CDH10: variants seen among roughly 807,000 people sequenced by gnomAD.
CDH10 encodes cadherin 10.
A neutral mutation model predicts 73.1 loss-of-function variants in CDH10; 30 were observed. That is an observed-to-expected ratio of 0.41 (90% CI 0.31 to 0.56). The LOEUF is 0.56. Ranked by LOEUF, CDH10 falls within the 20% of genes least tolerant of loss-of-function variation. The probability of loss-of-function intolerance (pLI) is 0.27; values close to 1 mark genes in which losing one functional copy is unlikely to be tolerated. For missense variants in CDH10, 815 were observed against 973.7 expected, an observed-to-expected ratio of 0.84 and a Z score of 2.17; for synonymous variants, 345 against 348.2, an observed-to-expected ratio of 0.99 and a Z score of 0.10.
At chr5:24,524,233 A>G (rs1561140269) in intron 5 of CDH10, among the ~76,000 whole-genome samples, 1 of 152,152 alleles carries the variant, frequency 6.6e-6, no homozygotes, top group South Asian at 2.1e-4. Context: ...TATATTTTAA[A>G]TGTATGAAAC....
intron 2 of CDH10, among the ~76,000 whole-genome samples, chr5:24,575,618 A>T (rs1419146813): frequency 6.6e-6 from 1 of 152,090 alleles, no homozygotes; most frequent in African/African-American, 2.4e-5. Context: ...GTTCTCAAAT[A>T]AACATTTTTA....
chr5:24,528,660 G>T (rs984521992), intron 5 of CDH10, among the ~76,000 whole-genome samples: 5 of 151,982 alleles, frequency 3.3e-5, no homozygotes, highest in African/African-American at 1.2e-4. Context: ...ATAAAAGTAT[G>T]ATTTACCTGT....
intron 2 of CDH10, among the ~76,000 whole-genome samples, chr5:24,554,948 T>A (rs1021010380): frequency 2.0e-4 from 30 of 152,186 alleles, no homozygotes; most frequent in Middle Eastern, 6.8e-3. Context: ...TGCTCTCTCT[T>A]TACATTTTAT....
chr5:24,606,988 A>G (rs1170977933), intron 1 of CDH10, among the ~76,000 whole-genome samples: 2 of 152,210 alleles, frequency 1.3e-5, no homozygotes, highest in African/African-American at 4.8e-5. Flanking sequence ...AAAACAACAG[A>G]CTAAGCCTAA....
chr5:24,595,660 GGC>G (rs1410104616), intron 1 of CDH10, among the ~76,000 whole-genome samples: 4 of 152,036 alleles, frequency 2.6e-5, no homozygotes, highest in Admixed American at 1.3e-4. Context: ...ATTCCCAAGA[GGC>G]AGGGGAGAGT....
chr5:24,550,127 T>C (rs539002734), intron 2 of CDH10, among the ~76,000 whole-genome samples: 3 of 152,172 alleles, frequency 2.0e-5, no homozygotes, highest in African/African-American at 7.2e-5. Context: ...AAAACAATAA[T>C]AGTCATGTCT....
chr5:24,643,749 G>A (rs956323564), intron 1 of CDH10, among the ~76,000 whole-genome samples: 7 of 152,126 alleles, frequency 4.6e-5, no homozygotes, highest in Non-Finnish European at 8.8e-5. Context: ...TAAGGAGACA[G>A]TAGGTTTTTA....
intron 2 of CDH10, among the ~76,000 whole-genome samples, chr5:24,538,382 T>C (rs113733407): frequency 0.01 from 1,566 of 152,192 alleles, 35 homozygotes; most frequent in African/African-American, 0.036. Context: ...CAAGGACAAA[T>C]TCTGTGCAGG....
chr5:24,543,133 C>T (rs539606254), intron 2 of CDH10, among the ~76,000 whole-genome samples: 4 of 151,794 alleles, frequency 2.6e-5, no homozygotes, highest in Non-Finnish European at 5.9e-5. Context: ...TCACCATTGG[C>T]TAGAAGAAAA....
chr5:24,588,038 T>A (rs1001693457), intron 2 of CDH10, among the ~76,000 whole-genome samples: 12 of 152,182 alleles, frequency 7.9e-5, no homozygotes, highest in Non-Finnish European at 1.6e-4. Context: ...TTACTTGAAG[T>A]CCCTAGAGAT....
rs192764295 is a variant in CDH10, at chr5:24,587,491, C to A, written c.231+5769G>T. Among the ~76,000 whole-genome samples the A allele has an allele frequency of 3.8e-3, 583 of 152,174 alleles. 1 individual carries two copies. The highest frequency in any genetic ancestry group is 0.017 in the Middle Eastern group (5 of 292). On this transcript the variant is annotated intron_variant, in intron 2 of 11. Transcript: ENST00000264463. Reference sequence around the variant, plus strand: ...TATTAATAATAACCATGCTTCATTGCCATTACATATGTACTTGTGTGAATT... The same window carrying A: ...TATTAATAATAACCATGCTTCATTGACATTACATATGTACTTGTGTGAATT...
intron 2 of CDH10, among the ~76,000 whole-genome samples, chr5:24,588,024 C>T (rs546194065): frequency 6.6e-6 from 1 of 152,296 alleles, no homozygotes; most frequent in East Asian, 1.9e-4. Flanking sequence ...GCTTTTATTA[C>T]TTCTTACTTG....
chr5:24,501,023 C>G (rs922494488), intron 8 of CDH10, among the ~76,000 whole-genome samples: 4 of 152,076 alleles, frequency 2.6e-5, no homozygotes, highest in African/African-American at 9.7e-5. Context: ...ACAAATGGAC[C>G]TTTTGCTATC....
At chr5:24,604,890 A>AC (rs1461260021) in intron 1 of CDH10, among the ~76,000 whole-genome samples, 35 of 144,098 alleles carry the variant, frequency 2.4e-4, no homozygotes, top group African/African-American at 4.2e-4. Flanking sequence ...AAAAAAAAAA[A>AC]AAAAACAAAA....
intron 1 of CDH10, among the ~76,000 whole-genome samples, chr5:24,623,271 G>T (rs1250740521): frequency 6.6e-6 from 1 of 152,180 alleles, no homozygotes; most frequent in Non-Finnish European, 1.5e-5. Context: ...GTCTTGAACA[G>T]CTGGAGAGCA....
intron 2 of CDH10, among the ~76,000 whole-genome samples, chr5:24,586,656 G>T (rs908769063): frequency 1.3e-5 from 2 of 151,084 alleles, no homozygotes; most frequent in South Asian, 2.1e-4. Flanking sequence ...TGTTGGTCAG[G>T]CTGGTCTCGA....
chr5:24,547,888 A>C (rs1232423944), intron 2 of CDH10, among the ~76,000 whole-genome samples: 1 of 152,196 alleles, frequency 6.6e-6, no homozygotes. Flanking sequence ...ACTGCTCTTC[A>C]TGTCAAGCTT....
At chr5:24,489,642 T>C (rs891001623) in intron 11 of CDH10, among the ~76,000 whole-genome samples, 6 of 152,106 alleles carry the variant, frequency 3.9e-5, no homozygotes, top group African/African-American at 1.2e-4. Flanking sequence ...TTTTTGAATG[T>C]TTTTTGATTA....
chr5:24,573,121 G>A (rs1745457323), intron 2 of CDH10, among the ~76,000 whole-genome samples: 1 of 151,672 alleles, frequency 6.6e-6, no homozygotes, highest in Non-Finnish European at 1.5e-5. Context: ...ATAGAAGATA[G>A]TGCAATAAAA....
Sources: allele counts gnomAD v4.1 joint callset (sites outside exome capture counted in the v4.1 genomes callset), GRCh38; gene constraint gnomAD v4.1.1; transcripts MANE v1.5; gene names NCBI Gene and HGNC (gene_info 2026-07-23, HGNC 2026-07-21).